The following ANKS1B variants were observed in gnomAD, a reference collection of about 807,000 sequenced individuals.
The protein encoded by ANKS1B is ankyrin repeat and sterile alpha motif domain containing 1B.
A neutral mutation model predicts 148.3 loss-of-function variants in ANKS1B; 36 were observed. That is an observed-to-expected ratio of 0.24 (90% CI 0.19 to 0.32). The LOEUF is 0.32. Among genes scored for constraint, ANKS1B ranks in the 10% least tolerant of loss-of-function variants. ANKS1B has a pLI of 1.00. For synonymous variants in ANKS1B, 542 were observed against 560.8 expected (o/e 0.97, Z 0.47); for missense variants, 1,157 against 1,542.6 (o/e 0.75, Z 4.19).
chr12:99,268,340 A>C (rs973954649), intron 12 of ANKS1B, among the ~76,000 whole-genome samples: 1 of 152,226 alleles, frequency 6.6e-6, no homozygotes, highest in African/African-American at 2.4e-5. Context: ...AGGGGACAGG[A>C]AGCCCTAAGT....
chr12:99,610,529 A>G (rs2097892555), intron 9 of ANKS1B, among the ~76,000 whole-genome samples: 1 of 152,108 alleles, frequency 6.6e-6, no homozygotes, highest in African/African-American at 2.4e-5. Flanking sequence ...TCTAATTTCT[A>G]TGAACCACCT....
rs1326320639 is a variant in ANKS1B at position 99,776,844 on chromosome 12, C to T, written c.848-1183G>A. 2.0e-5 allele frequency among the ~76,000 whole-genome samples: 3 copies of T among 152,156 alleles called. No homozygotes were observed. In the East Asian group the frequency reaches 5.8e-4, roughly 29 times the overall value. ...TACAGATATGTGCCACCACACCCGGCTCATTTTTTTTTGTATTTTTAGTAG... is the reference window on the plus strand; with the variant it reads ...TACAGATATGTGCCACCACACCCGGTTCATTTTTTTTTGTATTTTTAGTAG... On this transcript the variant is annotated intron_variant, in intron 6 of 26. Transcript: ENST00000683438.
chr12:99,453,975 T>C (rs142536211), intron 10 of ANKS1B, among the ~76,000 whole-genome samples: 96 of 151,858 alleles, frequency 6.3e-4, no homozygotes, highest in African/African-American at 2.2e-3. Context: ...AGAAAAAAAA[T>C]GTAATAGCCT....
At chr12:99,230,721 T>C (rs1441229315) in intron 14 of ANKS1B, among the ~76,000 whole-genome samples, 1 of 152,162 alleles carries the variant, frequency 6.6e-6, no homozygotes, top group Non-Finnish European at 1.5e-5. Context: ...CACAATCGTT[T>C]GATTAAACAA....
chr12:99,845,485 A>G (rs2153701309), intron 1 of ANKS1B, among the ~76,000 whole-genome samples: 1 of 152,224 alleles, frequency 6.6e-6, no homozygotes, highest in African/African-American at 2.4e-5. Context: ...TGAGATAATC[A>G]TGTGGTTTCT....
chr12:99,799,857 T>C (rs1405490481), intron 4 of ANKS1B, among the ~76,000 whole-genome samples: 3 of 152,108 alleles, frequency 2.0e-5, no homozygotes, highest in Admixed American at 6.6e-5. Flanking sequence ...GAGTAGGTGG[T>C]AGCTTTAGAG....
At chr12:99,952,355 T>A (rs142745468) in intron 1 of ANKS1B, among the ~76,000 whole-genome samples, 1 of 152,210 alleles carries the variant, frequency 6.6e-6, no homozygotes, top group African/African-American at 2.4e-5. Context: ...CCACTTTCTA[T>A]GAGATTTCTT....
chr12:99,291,839 T>A (rs1281965317), intron 12 of ANKS1B, among the ~76,000 whole-genome samples: 1 of 152,074 alleles, frequency 6.6e-6, no homozygotes, highest in Non-Finnish European at 1.5e-5. Context: ...AACAGAAGCC[T>A]CAAAAATAAC....
chr12:99,722,241 A>C (rs1446990537), intron 8 of ANKS1B, among the ~76,000 whole-genome samples: 2 of 152,242 alleles, frequency 1.3e-5, no homozygotes, highest in Non-Finnish European at 2.9e-5. Flanking sequence ...TGTAGATGAA[A>C]CAGCCTTCTA....
At chr12:99,539,454 T>C (rs1327389461) in intron 9 of ANKS1B, among the ~76,000 whole-genome samples, 1 of 152,102 alleles carries the variant, frequency 6.6e-6, no homozygotes, top group Non-Finnish European at 1.5e-5. Context: ...AAATCAATTA[T>C]AACCTCTAGA....
intron 12 of ANKS1B, among the ~76,000 whole-genome samples, chr12:99,269,272 T>C (rs1422884856): frequency 6.6e-6 from 1 of 152,236 alleles, no homozygotes; most frequent in Non-Finnish European, 1.5e-5. Flanking sequence ...CTGTTTTAAA[T>C]ATTATTTTCA....
intron 16 of ANKS1B, among the ~76,000 whole-genome samples, chr12:99,058,337 A>G (rs909493568): frequency 1.3e-5 from 2 of 149,768 alleles, no homozygotes; most frequent in Admixed American, 1.3e-4. Flanking sequence ...TCCGCCTCCT[A>G]GGTTCAAGCA....
intron 14 of ANKS1B, among the ~76,000 whole-genome samples, chr12:99,188,947 A>G (rs1227363439): frequency 6.6e-6 from 1 of 152,222 alleles, no homozygotes; most frequent in Admixed American, 6.5e-5. Context: ...ACCACTAGCC[A>G]GACTAATAAA....
intron 10 of ANKS1B, among the ~76,000 whole-genome samples, chr12:99,493,799 A>C (rs1016633145): frequency 2.0e-5 from 3 of 152,198 alleles, no homozygotes; most frequent in African/African-American, 7.2e-5. Context: ...GTAAATAAGT[A>C]GATGATATTA....
chr12:99,548,383 T>G (rs2097189561), intron 9 of ANKS1B, among the ~76,000 whole-genome samples: 1 of 152,140 alleles, frequency 6.6e-6, no homozygotes, highest in African/African-American at 2.4e-5. Context: ...CCCAACAGTT[T>G]AGCACATTAG....
chr12:99,605,701 A>C (rs1358681093), intron 9 of ANKS1B, among the ~76,000 whole-genome samples: 2 of 152,104 alleles, frequency 1.3e-5, no homozygotes, highest in Non-Finnish European at 2.9e-5. Context: ...TAATTGTGTA[A>C]ATATGCCAAA....
At chr12:99,801,341 TGAAA>T (rs2066927877) in intron 4 of ANKS1B, among the ~76,000 whole-genome samples, 2 of 152,032 alleles carry the variant, frequency 1.3e-5, no homozygotes, top group African/African-American at 4.8e-5. Context: ...GTGAACTAAA[TGAAA>T]ACCAAAAGAC....
chr12:99,000,920 T>C (rs73384658), intron 17 of ANKS1B, among the ~76,000 whole-genome samples: 23 of 152,280 alleles, frequency 1.5e-4, no homozygotes, highest in African/African-American at 5.3e-4. Flanking sequence ...CTATTATATA[T>C]GTCAACATTT....
intron 10 of ANKS1B, among the ~76,000 whole-genome samples, chr12:99,475,244 CAAAAAAAAAAGAA>C (rs1567175822): frequency 1.2e-5 from 1 of 83,766 alleles, no homozygotes; most frequent in African/African-American, 4.9e-5. Context: ...GACTCTGTTT[CAAAAAAAAAAGAA>C]AAAAAAAAAA....
Sources: gnomAD v4.1 joint callset for allele counts (sites outside exome capture counted in the v4.1 genomes callset) on GRCh38, gnomAD v4.1.1 for gene constraint, MANE v1.5 for transcripts, NCBI Gene and HGNC (gene_info 2026-07-23, HGNC 2026-07-21) for gene names.